C12orf42: variants seen among roughly 807,000 people sequenced by gnomAD.
C12orf42 encodes uncharacterized protein C12orf42.
Under a neutral mutation model 21.6 loss-of-function variants are expected in C12orf42, and 25 were observed. The ratio of observed to expected loss-of-function variants is 1.16; its 90% CI spans 0.84 to 1.62. The LOEUF (loss-of-function observed/expected upper bound fraction) is 1.62. Ranked by LOEUF, C12orf42 falls within the 40% of genes most tolerant of loss-of-function variation. The probability of loss-of-function intolerance (pLI) is 0.00; values close to 1 mark genes in which losing one functional copy is unlikely to be tolerated. For synonymous variants in C12orf42, 174 were observed against 175.0 expected, an observed-to-expected ratio of 0.99 and a Z score of 0.05; for missense variants, 483 against 459.3, an observed-to-expected ratio of 1.05 and a Z score of -0.47.
At chr12:103,469,706 G>A (rs747684506) in intron 2 of C12orf42, among the ~76,000 whole-genome samples, 13 of 152,146 alleles carry the variant, frequency 8.5e-5, no homozygotes, top group South Asian at 4.2e-4. Context: ...TGGAATCAAC[G>A]GGCATGGATG....
chr12:103,221,031 G>A, the C12orf42 span, among the ~76,000 whole-genome samples: 4 of 152,202 alleles, frequency 2.6e-5, no homozygotes, highest in Admixed American at 6.5e-5. Context: ...TGTTGCTGAC[G>A]ATTAGCAGGT....
chr12:103,400,051 A>T (rs2047869332), intron 3 of C12orf42, among the ~76,000 whole-genome samples: 1 of 152,234 alleles, frequency 6.6e-6, no homozygotes, highest in Admixed American at 6.5e-5. Context: ...AAAGATATAC[A>T]TCTTAAAAGT....
At chr12:103,339,103 T>C (rs1466041211) in intron 4 of C12orf42, among the ~76,000 whole-genome samples, 1 of 152,232 alleles carries the variant, frequency 6.6e-6, no homozygotes, top group African/African-American at 2.4e-5. Flanking sequence ...TTCTTAACCT[T>C]CACAATAAAA....
chr12:103,196,279 C>T, the C12orf42 span, among the ~76,000 whole-genome samples: 7 of 152,044 alleles, frequency 4.6e-5, no homozygotes, highest in East Asian at 9.7e-4. Context: ...ATTTTTATTG[C>T]TGTGTTCTAG....
In C12orf42 at chr12:103,440,172, A is replaced by G. The variant is rs1461997828; in HGVS notation, c.78+38177T>C. ...CTATCGCAAGAACAAAAAACCAAACACTGCATATTCTCACTCATAGGTGGG... is the reference window on the plus strand; with the variant it reads ...CTATCGCAAGAACAAAAAACCAAACGCTGCATATTCTCACTCATAGGTGGG... On this transcript the variant is annotated intron_variant, in intron 2 of 5. Transcript: ENST00000548883. Among the ~76,000 whole-genome samples the G allele has an allele frequency of 2.8e-5, 4 of 143,072 alleles. No homozygotes were observed. In the South Asian group the frequency reaches 9.1e-4, roughly 33 times the overall value. The allele number at this position is 143,072 out of a possible 152,430, so 93.9% of individuals were successfully genotyped here. A position where few individuals can be genotyped will look rare whatever the true frequency, so the allele number is the denominator to read the frequency against.
At chr12:103,410,376 T>G (rs970914344) in intron 2 of C12orf42, among the ~76,000 whole-genome samples, 1 of 152,204 alleles carries the variant, frequency 6.6e-6, no homozygotes, top group African/African-American at 2.4e-5. Context: ...GAAGCAAAAA[T>G]ATTTGTGTGA....
At chr12:103,184,718 C>A in the C12orf42 span, among the ~76,000 whole-genome samples, 4 of 140,442 alleles carry the variant, frequency 2.8e-5, no homozygotes, top group Non-Finnish European at 6.2e-5. Context: ...GTCACCCCCC[C>A]CCCCCCAAAT....
exon 7 of C12orf42, chr12:103,268,609 CTT>C: frequency 6.6e-6 from 1 of 151,972 alleles, no homozygotes; most frequent in Non-Finnish European, 1.5e-5. Flanking sequence ...GCATTATATA[CTT>C]GGAGAAAATG....
At chr12:103,456,107 C>G (rs1952272112) in intron 2 of C12orf42, 1 of 152,078 alleles carries the variant, frequency 6.6e-6, no homozygotes, top group Non-Finnish European at 1.5e-5. Flanking sequence ...GCAAATACCC[C>G]ACATCTCACT....
intron 3 of C12orf42, among the ~76,000 whole-genome samples, chr12:103,395,264 T>C (rs1049962889): frequency 6.6e-6 from 1 of 152,186 alleles, no homozygotes; most frequent in Non-Finnish European, 1.5e-5. Context: ...CAAATACATT[T>C]TCAAGAAGTT....
the C12orf42 span, among the ~76,000 whole-genome samples, chr12:103,070,516 AC>A: frequency 3.4e-5 from 1 of 29,188 alleles, no homozygotes; most frequent in South Asian, 1.0e-3. Flanking sequence ...ACATACACAT[AC>A]ACACACACAC....
In C12orf42 at chr12:103,305,617, T is replaced by G. The variant is rs1004013679; in HGVS notation, c.631+357A>C. Among the ~76,000 whole-genome samples the G allele has an allele frequency of 9.2e-5, 14 of 152,302 alleles. No individual in the cohort carries two copies. In the East Asian group the frequency reaches 2.1e-3, roughly 23 times the overall value. ...CTGTAAAATGGGGATAATGGTATGA[T>G]CTGCCTGAATATTATATGAGGATTT... On this transcript the variant is annotated intron_variant, in intron 5 of 5. Transcript: ENST00000548883.
intron 10 of C12orf42, among the ~76,000 whole-genome samples, chr12:103,244,552 G>GA (rs764898439): frequency 4.4e-3 from 443 of 101,000 alleles, no homozygotes; most frequent in Middle Eastern, 0.01. Flanking sequence ...AGCATTCTTT[G>GA]AAAAAAAAAA....
upstream of C12orf42, among the ~76,000 whole-genome samples, chr12:103,499,145 A>T (rs1317178866): frequency 6.6e-6 from 1 of 152,166 alleles, no homozygotes; most frequent in Non-Finnish European, 1.5e-5. Flanking sequence ...GTCAAAGGGG[A>T]TAAACCTTCA....
the C12orf42 span, among the ~76,000 whole-genome samples, chr12:103,152,590 C>T: frequency 1.3e-5 from 2 of 152,122 alleles, no homozygotes; most frequent in East Asian, 1.9e-4. Flanking sequence ...GAATACTAGA[C>T]TATCCAAAAA....
chr12:103,472,217 G>C (rs922062190), intron 2 of C12orf42, among the ~76,000 whole-genome samples: 4 of 151,806 alleles, frequency 2.6e-5, no homozygotes, highest in Admixed American at 2.0e-4. Flanking sequence ...ACCATGCCAG[G>C]CTAATTTTTT....
the C12orf42 span, among the ~76,000 whole-genome samples, chr12:103,088,347 T>C: frequency 4.6e-5 from 7 of 152,330 alleles, no homozygotes; most frequent in African/African-American, 7.2e-5. Flanking sequence ...AAATAAGAAA[T>C]AGGGGACTTC....
chr12:103,535,434 G>A, the C12orf42 span, among the ~76,000 whole-genome samples: 4 of 148,700 alleles, frequency 2.7e-5, no homozygotes, highest in African/African-American at 5.0e-5. Context: ...TTTTTAAATC[G>A]AACCTTCCAC....
the C12orf42 span, among the ~76,000 whole-genome samples, chr12:103,511,636 A>C: frequency 6.6e-6 from 1 of 152,114 alleles, no homozygotes; most frequent in Non-Finnish European, 1.5e-5. Context: ...CCAATTACTC[A>C]AAAGAGCCTC....
Sources: gnomAD v4.1 joint callset for allele counts (sites outside exome capture counted in the v4.1 genomes callset) on GRCh38, gnomAD v4.1.1 for gene constraint, MANE v1.5 for transcripts, NCBI Gene and HGNC (gene_info 2026-07-23, HGNC 2026-07-21) for gene names.